Variants in CNTN4 observed in about 807,000 individuals in gnomAD.
CNTN4 encodes contactin-4.
Under a neutral mutation model 122.5 loss-of-function variants are expected in CNTN4, and 77 were observed. The observed-to-expected ratio is 0.63, with a 90% CI of 0.52 to 0.76. CNTN4 has a LOEUF of 0.76. Among genes scored for constraint, CNTN4 ranks in the 30% least tolerant of loss-of-function variants. CNTN4 has a pLI of 0.00. For synonymous variants in CNTN4, 512 were observed against 447.0 expected (o/e 1.15, Z -1.83); for missense variants, 1,256 against 1,259.1 (o/e 1.00, Z 0.04).
intron 3 of CNTN4, among the ~76,000 whole-genome samples, chr3:2,519,870 G>C (rs548753341): frequency 6.6e-6 from 1 of 152,192 alleles, no homozygotes; most frequent in African/African-American, 2.4e-5. Flanking sequence ...AAAAATATGC[G>C]GATTCACATC....
chr3:2,601,022 T>A (rs2149741909), intron 4 of CNTN4, among the ~76,000 whole-genome samples: 1 of 152,346 alleles, frequency 6.6e-6, no homozygotes, highest in South Asian at 2.1e-4. Context: ...TCTGTTCATA[T>A]TCATTGCCCA....
At chr3:2,534,668 C>A (rs2077729772) in intron 3 of CNTN4, among the ~76,000 whole-genome samples, 1 of 151,612 alleles carries the variant, frequency 6.6e-6, no homozygotes, top group Non-Finnish European at 1.5e-5. Flanking sequence ...AGAGCCTTGG[C>A]CCTGTTTCAT....
rs538797244 is a variant in CNTN4, at chr3:2,521,428, C to A, written c.-88-49988C>A. Among the ~76,000 whole-genome samples the A allele has an allele frequency of 1.5e-4, 21 of 136,724 alleles. No homozygotes were observed. In the South Asian group the frequency reaches 4.2e-3, roughly 27 times the overall value. The allele number at this position is 136,724 out of a possible 152,430, so 89.7% of individuals were successfully genotyped here. A position where few individuals can be genotyped will look rare whatever the true frequency, so the allele number is the denominator to read the frequency against. On this transcript the variant is annotated intron_variant, in intron 3 of 24. Transcript: ENST00000418658. ...TAAATGGTGGAGTTGACCAAATTGACTATTTTGAAACCTATTTATAACTTC... is the reference window on the plus strand; with the variant it reads ...TAAATGGTGGAGTTGACCAAATTGAATATTTTGAAACCTATTTATAACTTC...
At chr3:2,146,658 T>C (rs1345332190) in intron 2 of CNTN4, among the ~76,000 whole-genome samples, 1 of 152,182 alleles carries the variant, frequency 6.6e-6, no homozygotes, top group Admixed American at 6.5e-5. Context: ...GTTTATCATT[T>C]GTTCAAATGT....
chr3:2,735,600 G>A (rs2149487251), intron 4 of CNTN4, among the ~76,000 whole-genome samples: 1 of 152,284 alleles, frequency 6.6e-6, no homozygotes, highest in Non-Finnish European at 1.5e-5. Flanking sequence ...TTTATGCAAG[G>A]TAGACCATAT....
chr3:2,567,121 A>C (rs2149465282), intron 3 of CNTN4, among the ~76,000 whole-genome samples: 1 of 133,528 alleles, frequency 7.5e-6, no homozygotes, highest in African/African-American at 2.8e-5. Context: ...AGTCTTGCTC[A>C]TTGTCCAGGC....
intron 3 of CNTN4, among the ~76,000 whole-genome samples, chr3:2,360,179 C>T (rs757193304): frequency 6.6e-6 from 1 of 152,064 alleles, no homozygotes; most frequent in African/African-American, 2.4e-5. Flanking sequence ...GACATTGGAA[C>T]AGGATGGTAA....
At chr3:2,863,731 G>A (rs1179154227) in intron 7 of CNTN4, among the ~76,000 whole-genome samples, 1 of 151,724 alleles carries the variant, frequency 6.6e-6, no homozygotes, top group African/African-American at 2.4e-5. Flanking sequence ...AATAAGTTTG[G>A]ATGCTTAAAC....
intron 2 of CNTN4, among the ~76,000 whole-genome samples, chr3:2,155,606 C>G (rs2035684874): frequency 6.6e-6 from 1 of 152,184 alleles, no homozygotes; most frequent in Non-Finnish European, 1.5e-5. Context: ...CCAGTGGGCA[C>G]TGAATCCTAA....
At position 2,400,450 on chromosome 3, in the gene CNTN4, T is replaced by TATA. The variant is rs71058616; in HGVS notation, c.-89+61217_-89+61218insATA. On this transcript the variant is annotated intron_variant, in intron 3 of 24. Coordinates refer to ENST00000418658, the MANE Select transcript of CNTN4 (RefSeq NM_175607.3). Reference sequence around the variant, plus strand: ...ATACATATATATATATATATATATATCTCTTTTTTTCCTTCTTCTTAAATT... The same window carrying TATA: ...ATACATATATATATATATATATATATATACTCTTTTTTTCCTTCTTCTTAAATT... Among the ~76,000 whole-genome samples, 78 of 131,630 alleles carry TATA rather than the reference T, an allele frequency of 5.9e-4. 1 individual carries two copies. Among genetic ancestry groups the TATA allele is most frequent in the Middle Eastern group, 4.0e-3 (1 of 252 alleles). The allele number at this position is 131,630 out of a possible 152,430, so 86.4% of individuals were successfully genotyped here.
At chr3:2,947,444 G>A (rs1577365168) in intron 13 of CNTN4, among the ~76,000 whole-genome samples, 1 of 152,148 alleles carries the variant, frequency 6.6e-6, no homozygotes, top group Non-Finnish European at 1.5e-5. Flanking sequence ...TGATCATTCA[G>A]AAGGAGAAGA....
intron 4 of CNTN4, among the ~76,000 whole-genome samples, chr3:2,647,070 T>C (rs180674226): frequency 1.3e-5 from 2 of 152,210 alleles, no homozygotes; most frequent in African/African-American, 4.8e-5. Flanking sequence ...TGTAAGCATA[T>C]CTGTGTACTT....
chr3:2,964,317 G>A (rs1211728745), intron 13 of CNTN4, among the ~76,000 whole-genome samples: 5 of 152,048 alleles, frequency 3.3e-5, no homozygotes, highest in African/African-American at 1.2e-4. Context: ...CTGAGATCTA[G>A]CAATTTACTA....
chr3:2,516,099 T>C (rs1194987739), intron 3 of CNTN4, among the ~76,000 whole-genome samples: 1 of 151,984 alleles, frequency 6.6e-6, no homozygotes, highest in African/African-American at 2.4e-5. Context: ...TATTGGGAGG[T>C]CTCTATATGT....
At chr3:2,637,162 G>A (rs146337335) in intron 4 of CNTN4, among the ~76,000 whole-genome samples, 1 of 151,784 alleles carries the variant, frequency 6.6e-6, no homozygotes, top group African/African-American at 2.4e-5. Flanking sequence ...GGCTGTTCTT[G>A]AGCTCCTGGG....
intron 6 of CNTN4, among the ~76,000 whole-genome samples, chr3:2,808,901 G>A (rs2092536856): frequency 6.6e-6 from 1 of 152,192 alleles, no homozygotes; most frequent in Admixed American, 6.5e-5. Flanking sequence ...AAAGCAGTGT[G>A]TCATGAGGAC....
At chr3:2,121,989 T>TA (rs1401009577) in intron 2 of CNTN4, among the ~76,000 whole-genome samples, 1 of 150,188 alleles carries the variant, frequency 6.7e-6, no homozygotes, top group Non-Finnish European at 1.5e-5. Context: ...CCGTCTCTAC[T>TA]AAAAAAATAC....
intron 2 of CNTN4, among the ~76,000 whole-genome samples, chr3:2,141,407 A>G (rs888625193): frequency 2.0e-5 from 3 of 152,188 alleles, no homozygotes; most frequent in South Asian, 4.1e-4. Context: ...GATCAAGGTC[A>G]GTCCCTAGAA....
intron 6 of CNTN4, among the ~76,000 whole-genome samples, chr3:2,778,131 G>A (rs1419186502): frequency 1.4e-5 from 2 of 139,882 alleles, no homozygotes; most frequent in Non-Finnish European, 1.5e-5. Flanking sequence ...GGAGAATGGC[G>A]GGAACCCAGG....
Sources: allele counts gnomAD v4.1 joint callset (sites outside exome capture counted in the v4.1 genomes callset), GRCh38; gene constraint gnomAD v4.1.1; transcripts MANE v1.5; gene names NCBI Gene and HGNC (gene_info 2026-07-23, HGNC 2026-07-21).